The following FSTL5 variants were observed in gnomAD, a reference collection of about 807,000 sequenced individuals.
FSTL5 encodes the protein follistatin-related protein 5.
A neutral mutation model predicts 89.1 loss-of-function variants in FSTL5; 62 were observed. The observed-to-expected ratio is 0.70, with a 90% confidence interval of 0.57 to 0.86. FSTL5 has a LOEUF of 0.86. FSTL5 is among the 40% of genes least tolerant of loss of function. The pLI is 0.00. For synonymous variants in FSTL5, 383 were observed against 346.2 expected (o/e 1.11, Z -1.18); for missense variants, 1,057 against 1,001.6 (o/e 1.06, Z -0.75).
intron 2 of FSTL5, among the ~76,000 whole-genome samples, chr4:162,044,369 T>A (rs1406059375): frequency 6.6e-6 from 1 of 152,126 alleles, no homozygotes; most frequent in Non-Finnish European, 1.5e-5. Context: ...TTCTGAGCAA[T>A]CGTTCAATAA....
intron 2 of FSTL5, among the ~76,000 whole-genome samples, chr4:162,043,488 G>T (rs1738051678): frequency 6.6e-6 from 1 of 152,114 alleles, no homozygotes; most frequent in Admixed American, 6.6e-5. Context: ...ACAAGTTTTT[G>T]CTGTTGGAAG....
chr4:161,665,855 G>C (rs1399106793), intron 6 of FSTL5, among the ~76,000 whole-genome samples: 1 of 151,192 alleles, frequency 6.6e-6, no homozygotes, highest in African/African-American at 2.4e-5. Context: ...GCAAGGAGTG[G>C]ACAGCAAAAA....
At chr4:161,782,987 C>T (rs7679398) in intron 4 of FSTL5, among the ~76,000 whole-genome samples, 111,465 of 151,920 alleles carry the variant, frequency 0.73, 40,940 homozygotes, top group Non-Finnish European at 0.76. Context: ...GCAACTTAGC[C>T]ATTACTTCCT....
chr4:161,521,909 C>T (rs1731048904), intron 10 of FSTL5, among the ~76,000 whole-genome samples: 1 of 147,274 alleles, frequency 6.8e-6, no homozygotes, highest in Non-Finnish European at 1.5e-5. Context: ...TTACTGTCCA[C>T]ATTATTTTAT....
chr4:162,052,013 G>C (rs17459897), intron 2 of FSTL5, among the ~76,000 whole-genome samples: 1 of 151,126 alleles, frequency 6.6e-6, no homozygotes, highest in African/African-American at 2.4e-5. Context: ...GTTGTCATTA[G>C]CATTAATAAA....
chr4:161,451,975 G>T (rs991610537), intron 15 of FSTL5, among the ~76,000 whole-genome samples: 4 of 152,148 alleles, frequency 2.6e-5, no homozygotes, highest in African/African-American at 9.7e-5. Context: ...AAGTGTACCA[G>T]CATGAGAGAA....
At position 161,437,565 on chromosome 4, in the gene FSTL5, C is replaced by CAAAAAACA. The variant is rs773433793; in HGVS notation, c.1841+17438_1841+17439insTGTTTTTT. ...CTGGTGACAGAGTGAGACTCCGTCT[C>CAAAAAACA]AAAAAAAAAAAAAAAAACGAGGTCA... is the stretch of plus-strand genomic sequence containing the variant. On this transcript the variant is annotated intron_variant, in intron 15 of 15. Coordinates refer to ENST00000306100, the MANE Select transcript of FSTL5 (RefSeq NM_020116.5). Among the ~76,000 whole-genome samples the CAAAAAACA allele has an allele frequency of 2.0e-3, 140 of 68,508 alleles. 10 individuals carry two copies. The highest frequency in any genetic ancestry group is 2.5e-3 in the Non-Finnish European group (103 of 41,620). 44.9% of individuals were successfully genotyped at this position (68,508 alleles called of 152,430 possible). A position where few individuals can be genotyped will look rare whatever the true frequency, so the allele number is the denominator to read the frequency against.
At chr4:161,935,209 G>A (rs1022294960) in intron 3 of FSTL5, among the ~76,000 whole-genome samples, 9 of 152,080 alleles carry the variant, frequency 5.9e-5, no homozygotes, top group African/African-American at 2.2e-4. Context: ...TAAGGGGTCA[G>A]TAAAGAGAAG....
At chr4:162,037,232 GTC>G (rs1040654796) in intron 2 of FSTL5, among the ~76,000 whole-genome samples, 18 of 151,892 alleles carry the variant, frequency 1.2e-4, no homozygotes, top group African/African-American at 4.3e-4. Context: ...AAGAAGACCA[GTC>G]TCTGTAATAG....
In FSTL5 at chr4:161,963,378, A is replaced by C. The variant is rs78676368; in HGVS notation, c.161-42726T>G. On this transcript the variant is annotated intron_variant, in intron 3 of 15. Coordinates refer to ENST00000306100, the MANE Select transcript of FSTL5 (RefSeq NM_020116.5). ...TTAAAAATATAAATCAAAGCAATTA[A>C]AGCATTCTTACCTAGTTTCTTCAAT... Among the ~76,000 whole-genome samples, 1,978 of 152,016 alleles carry C rather than the reference A, an allele frequency of 0.013. 129 individuals carry two copies. The East Asian group carries it at 0.21, about 16-fold the overall frequency.
intron 6 of FSTL5, among the ~76,000 whole-genome samples, chr4:161,664,045 C>T (rs1190960282): frequency 6.6e-6 from 1 of 152,224 alleles, no homozygotes; most frequent in Admixed American, 6.5e-5. Flanking sequence ...AGTCCCTAGG[C>T]TGCTCAAAGC....
chr4:161,552,146 G>C (rs1306363199), intron 8 of FSTL5, among the ~76,000 whole-genome samples: 1 of 151,862 alleles, frequency 6.6e-6, no homozygotes, highest in Non-Finnish European at 1.5e-5. Flanking sequence ...CCACATCACT[G>C]TAAGGGGTGG....
At chr4:162,019,855 T>C (rs978270334) in intron 3 of FSTL5, among the ~76,000 whole-genome samples, 1 of 150,114 alleles carries the variant, frequency 6.7e-6, no homozygotes, top group Non-Finnish European at 1.5e-5. Context: ...TATTTACATA[T>C]AGAAGTATAT....
chr4:161,644,633 T>C (rs912925200), intron 7 of FSTL5, among the ~76,000 whole-genome samples: 2 of 152,048 alleles, frequency 1.3e-5, no homozygotes, highest in African/African-American at 2.4e-5. Flanking sequence ...GTAGGAAGAA[T>C]TAATAGAGAA....
intron 6 of FSTL5, among the ~76,000 whole-genome samples, chr4:161,714,958 A>C (rs2126743898): frequency 6.6e-6 from 1 of 152,266 alleles, no homozygotes; most frequent in African/African-American, 2.4e-5. Flanking sequence ...ATAAATAGTA[A>C]ATTTTTTAAA....
chr4:161,387,202 A>C (rs949521054), intron 15 of FSTL5: 6 of 152,106 alleles, frequency 3.9e-5, no homozygotes, highest in African/African-American at 1.2e-4. Context: ...TCTAGCAAAA[A>C]TAAGTTAAAC....
rs181835706 is a variant in FSTL5 at position 161,740,665 on chromosome 4, C to T, written c.727+18746G>A. ...TGCAATAATTTTCATAGATATTGAACACACATTAAGTTTTACACTTATAAA... is the reference window on the plus strand; with the variant it reads ...TGCAATAATTTTCATAGATATTGAATACACATTAAGTTTTACACTTATAAA... On this transcript the variant is annotated intron_variant, in intron 6 of 15. Transcript: ENST00000306100. Among the ~76,000 whole-genome samples the T allele has an allele frequency of 1.6e-4, 25 of 152,214 alleles. No individual in the cohort carries two copies. The East Asian group carries it at 3.9e-3, about 23-fold the overall frequency.
chr4:161,832,979 T>C (rs1730898705), intron 4 of FSTL5, among the ~76,000 whole-genome samples: 1 of 150,186 alleles, frequency 6.7e-6, no homozygotes, highest in African/African-American at 2.4e-5. Context: ...TGTTAGGGTG[T>C]CAATTTTGGA....
intron 6 of FSTL5, among the ~76,000 whole-genome samples, chr4:161,707,090 C>G (rs1738608478): frequency 1.3e-5 from 2 of 151,540 alleles, no homozygotes; most frequent in South Asian, 4.1e-4. Context: ...AGAAAAAAAT[C>G]TAAACCAAAC....
Sources: allele counts gnomAD v4.1 joint callset (sites outside exome capture counted in the v4.1 genomes callset), GRCh38; gene constraint gnomAD v4.1.1; transcripts MANE v1.5; gene names NCBI Gene and HGNC (gene_info 2026-07-23, HGNC 2026-07-21).